Variants in CTNNA3 observed in about 807,000 individuals in gnomAD.
The protein encoded by CTNNA3 is catenin alpha-3.
A neutral mutation model predicts 95.7 loss-of-function variants in CTNNA3; 76 were observed. That is an observed-to-expected ratio of 0.79 (90% CI 0.66 to 0.96). The LOEUF (loss-of-function observed/expected upper bound fraction) is 0.96, where lower values mean the gene tolerates loss of function less well. Ranked by LOEUF, CTNNA3 falls within the 40% of genes least tolerant of loss-of-function variation. CTNNA3 has a pLI of 0.00. For missense variants in CTNNA3, 1,191 were observed against 1,089.8 expected, an observed-to-expected ratio of 1.09 and a Z score of -1.31; for synonymous variants, 431 against 374.4, an observed-to-expected ratio of 1.15 and a Z score of -1.74.
intron 1 of CTNNA3, among the ~76,000 whole-genome samples, chr10:67,692,101 C>CGG (rs1840874744): frequency 6.8e-6 from 1 of 147,498 alleles, no homozygotes; most frequent in Non-Finnish European, 1.5e-5. Flanking sequence ...CCAGCTGCCC[C>CGG]CTCCGGGAGG....
At chr10:66,251,723 C>T (rs893253006) in intron 13 of CTNNA3, among the ~76,000 whole-genome samples, 1 of 152,226 alleles carries the variant, frequency 6.6e-6, no homozygotes, top group African/African-American at 2.4e-5. Context: ...GCTAATTACT[C>T]TATTTAACAT....
chr10:66,544,035 A>T (rs1283354826), intron 10 of CTNNA3, among the ~76,000 whole-genome samples: 2 of 149,320 alleles, frequency 1.3e-5, no homozygotes, highest in South Asian at 4.2e-4. Flanking sequence ...TCCATTAGTA[A>T]TTTTATTTAC....
At chr10:66,745,774 T>A (rs9415862) in intron 9 of CTNNA3, among the ~76,000 whole-genome samples, 1 of 129,450 alleles carries the variant, frequency 7.7e-6, no homozygotes, top group Non-Finnish European at 1.7e-5. Context: ...TTTTTTTTTG[T>A]ATTTTTAGTA....
chr10:66,238,500 A>G (rs1294978397), intron 13 of CTNNA3, among the ~76,000 whole-genome samples: 1 of 152,046 alleles, frequency 6.6e-6, no homozygotes, highest in Non-Finnish European at 1.5e-5. Flanking sequence ...ATAGTTGTAT[A>G]GACAGCCAAT....
chr10:67,107,728 T>A (rs879521661), intron 7 of CTNNA3, among the ~76,000 whole-genome samples: 2,614 of 152,304 alleles, frequency 0.017, 77 homozygotes, highest in East Asian at 0.11. Context: ...ATTTAGGTGA[T>A]AGTGAGACAG....
chr10:66,367,692 T>TA (rs2092719863), intron 12 of CTNNA3, among the ~76,000 whole-genome samples: 1 of 149,272 alleles, frequency 6.7e-6, no homozygotes, highest in Admixed American at 6.7e-5. Context: ...AAGCCGAATT[T>TA]TAAAATTTTG....
chr10:66,931,817 T>C (rs1177443889), intron 7 of CTNNA3, among the ~76,000 whole-genome samples: 1 of 152,128 alleles, frequency 6.6e-6, no homozygotes, highest in Non-Finnish European at 1.5e-5. Context: ...AAGCGAGTAA[T>C]AACGCAATAA....
intron 7 of CTNNA3, among the ~76,000 whole-genome samples, chr10:67,151,424 A>G (rs1861086941): frequency 6.6e-6 from 1 of 152,224 alleles, no homozygotes; most frequent in Non-Finnish European, 1.5e-5. Flanking sequence ...CAAGTATCAT[A>G]TGGAAAAGTG....
intron 7 of CTNNA3, among the ~76,000 whole-genome samples, chr10:66,787,102 C>G (rs1840779118): frequency 6.6e-6 from 1 of 152,160 alleles, no homozygotes; most frequent in Admixed American, 6.5e-5. Context: ...AAATTAAAAC[C>G]TCTACTTAGT....
intron 9 of CTNNA3, among the ~76,000 whole-genome samples, chr10:66,672,732 C>A (rs945101787): frequency 6.6e-6 from 1 of 151,902 alleles, no homozygotes; most frequent in Non-Finnish European, 1.5e-5. Flanking sequence ...TCCACCCACC[C>A]GAGCAACACC....
chr10:67,609,493 A>C (rs1843389722), intron 2 of CTNNA3, among the ~76,000 whole-genome samples: 1 of 152,112 alleles, frequency 6.6e-6, no homozygotes, highest in East Asian at 1.9e-4. Context: ...ATGCGGATGA[A>C]AATCATTTTC....
At chr10:66,950,874 T>C (rs1327811696) in intron 7 of CTNNA3, among the ~76,000 whole-genome samples, 1 of 152,184 alleles carries the variant, frequency 6.6e-6, no homozygotes, top group Non-Finnish European at 1.5e-5. Flanking sequence ...ACCCATTTTA[T>C]AGGTAAAGAA....
chr10:66,326,613 G>A (rs2092257709), intron 12 of CTNNA3, among the ~76,000 whole-genome samples: 1 of 151,958 alleles, frequency 6.6e-6, no homozygotes, highest in African/African-American at 2.4e-5. Context: ...AAGATAAACT[G>A]TAATGGCCAT....
At chr10:66,811,887 T>A (rs1254285021) in intron 7 of CTNNA3, among the ~76,000 whole-genome samples, 1 of 152,210 alleles carries the variant, frequency 6.6e-6, no homozygotes, top group Non-Finnish European at 1.5e-5. Flanking sequence ...TTAAGATTTA[T>A]CTTAGATTAA....
chr10:66,595,464 C>T (rs1843684182), intron 10 of CTNNA3, among the ~76,000 whole-genome samples: 1 of 151,936 alleles, frequency 6.6e-6, no homozygotes, highest in Admixed American at 6.6e-5. Flanking sequence ...CTGCCTCAGC[C>T]TCCTGGGTAT....
At chr10:66,898,659 C>A (rs1198768279) in intron 7 of CTNNA3, among the ~76,000 whole-genome samples, 1 of 152,114 alleles carries the variant, frequency 6.6e-6, no homozygotes, top group African/African-American at 2.4e-5. Context: ...AAAACTGGAT[C>A]CTTACCTCAC....
chr10:67,179,305 T>G (rs111943317), intron 7 of CTNNA3, among the ~76,000 whole-genome samples: 10 of 151,758 alleles, frequency 6.6e-5, no homozygotes, highest in African/African-American at 2.2e-4. Context: ...TGAAAATATA[T>G]TCAAGATTTT....
In CTNNA3 at chr10:67,134,022, G is replaced by A. The variant is rs192249702; in HGVS notation, c.1047+46295C>T. Reference sequence around the variant, plus strand: ...TTATAGATGAAAAGACTAAGTATGAGTCAAGTTACATGATTTGCCCAATGT... The same window carrying A: ...TTATAGATGAAAAGACTAAGTATGAATCAAGTTACATGATTTGCCCAATGT... On this transcript the variant is annotated intron_variant, in intron 7 of 17. Coordinates refer to ENST00000433211, the MANE Select transcript of CTNNA3 (RefSeq NM_013266.4). Among the ~76,000 whole-genome samples, 43 of 152,132 alleles carry A rather than the reference G, an allele frequency of 2.8e-4. No individual in the cohort carries two copies. The East Asian group carries it at 8.1e-3, about 29-fold the overall frequency.
intron 14 of CTNNA3, among the ~76,000 whole-genome samples, chr10:66,093,462 G>T (rs973731614): frequency 6.6e-6 from 1 of 151,958 alleles, no homozygotes; most frequent in Admixed American, 6.6e-5. Context: ...TCATCTAGAA[G>T]AACTTTTGAA....
Sources: allele counts gnomAD v4.1 joint callset (sites outside exome capture counted in the v4.1 genomes callset), GRCh38; gene constraint gnomAD v4.1.1; transcripts MANE v1.5; gene names NCBI Gene and HGNC (gene_info 2026-07-23, HGNC 2026-07-21).